Variants in CNKSR3 observed in about 807,000 individuals in gnomAD.
The protein encoded by CNKSR3 is CNKSR family member 3.
Under a neutral mutation model 67.7 loss-of-function variants are expected in CNKSR3, and 36 were observed. The ratio of observed to expected loss-of-function variants is 0.53; its 90% CI spans 0.41 to 0.70. The LOEUF (loss-of-function observed/expected upper bound fraction) is 0.70. CNKSR3 is among the 30% of genes least tolerant of loss of function. The pLI is 0.00. For missense variants in CNKSR3, 630 were observed against 695.2 expected, an observed-to-expected ratio of 0.91 and a Z score of 1.05; for synonymous variants, 281 against 271.4, an observed-to-expected ratio of 1.04 and a Z score of -0.35.
chr6:154,403,784 A>G lies in CNKSR3; in HGVS notation c.*2570T>C, dbSNP rs1360016635. On this transcript the variant is annotated 3_prime_UTR_variant, in exon 13 of 13. Transcript: ENST00000607772. ...ACCAATCTGGTTGGCCACTGCCTAT[A>G]ATGAAGACTGACTGCCGAATATTCA... 6.6e-6 allele frequency: 1 copy of G among 152,168 alleles called. No homozygotes were observed. The highest frequency in any genetic ancestry group is 1.5e-5 in the Non-Finnish European group (1 of 68,040). The allele number at this position is 152,168 out of a possible 1,614,324, so 9.4% of individuals were successfully genotyped here. A position where few individuals can be genotyped will look rare whatever the true frequency, so the allele number is the denominator to read the frequency against.
chr6:154,441,192 G>A (rs1253588700), intron 4 of CNKSR3, 100 bp downstream of exon 4: 6 of 741,864 alleles, frequency 8.1e-6, no homozygotes, highest in African/African-American at 1.8e-5. Flanking sequence ...GTGGGGAGAG[G>A]AGAGTAGTAC....
rs1241056664 is a variant in CNKSR3, at chr6:154,400,272, G to C, written c.*6082C>G. On this transcript the variant is annotated 3_prime_UTR_variant, in exon 13 of 13. Coordinates refer to ENST00000607772, the MANE Select transcript of CNKSR3 (RefSeq NM_173515.4). ...CAGTGACATGCAGGAGGAAACGCAGGATTAGGACCGACTTTCCTTAGGTGT... is the reference window on the plus strand; with the variant it reads ...CAGTGACATGCAGGAGGAAACGCAGCATTAGGACCGACTTTCCTTAGGTGT... 1 of 152,214 alleles carries C rather than the reference G, an allele frequency of 6.6e-6. No individual in the cohort carries two copies. Among genetic ancestry groups the C allele is most frequent in the African/African-American group, 2.4e-5 (1 of 41,446 alleles). 9.4% of individuals were successfully genotyped at this position (152,214 alleles called of 1,614,324 possible).
intron 1 of CNKSR3, among the ~76,000 whole-genome samples, chr6:154,465,805 TAA>T (rs1786186025): frequency 6.6e-6 from 1 of 152,204 alleles, no homozygotes; most frequent in Non-Finnish European, 1.5e-5. Context: ...ACTTTTAACT[TAA>T]AGACATTATC....
intron 11 of CNKSR3, 132 bp from the exon 12 acceptor site, chr6:154,410,564 TA>T (rs1378462178): frequency 3.2e-6 from 2 of 630,878 alleles, no homozygotes; most frequent in Admixed American, 5.8e-5. Context: ...AATTTTAAAA[TA>T]AAAGTATTTT....
In CNKSR3 at chr6:154,405,101, A is replaced by G. The variant is rs1039744491; in HGVS notation, c.*1253T>C. 3 of 152,302 alleles carry G rather than the reference A, an allele frequency of 2.0e-5. No individual in the cohort carries two copies. The highest frequency in any genetic ancestry group is 4.4e-5 in the Non-Finnish European group (3 of 68,032). The allele number at this position is 152,302 out of a possible 1,614,324, so 9.4% of individuals were successfully genotyped here. A position where few individuals can be genotyped will look rare whatever the true frequency, so the allele number is the denominator to read the frequency against. ...TTCCCCTCGTGCAATTTCACTTTGC[A>G]TATGCTTCTCCTGTTCTTCCATTTC... is the stretch of plus-strand genomic sequence containing the variant. On this transcript the variant is annotated 3_prime_UTR_variant, in exon 13 of 13. Transcript: ENST00000607772.
chr6:154,474,621 A>G (rs1170681332), intron 1 of CNKSR3, among the ~76,000 whole-genome samples: 1 of 152,134 alleles, frequency 6.6e-6, no homozygotes, highest in Non-Finnish European at 1.5e-5. Flanking sequence ...AGAGTCAGAG[A>G]TGCCCTTGGG....
intron 2 of CNKSR3, among the ~76,000 whole-genome samples, chr6:154,445,357 T>C: frequency 6.6e-6 from 1 of 152,162 alleles, no homozygotes; most frequent in Non-Finnish European, 1.5e-5. Context: ...GAGACAAAAA[T>C]AAGATGGATT....
At chr6:154,419,767 C>T (rs750703877) in intron 9 of CNKSR3, among the ~76,000 whole-genome samples, 101 of 152,146 alleles carry the variant, frequency 6.6e-4, no homozygotes, top group Non-Finnish European at 9.9e-4. Context: ...CAAGGGAATG[C>T]TATTCACCCT....
chr6:154,463,735 G>A (rs1786133594), intron 1 of CNKSR3, among the ~76,000 whole-genome samples: 1 of 152,116 alleles, frequency 6.6e-6, no homozygotes, highest in Admixed American at 6.5e-5. Flanking sequence ...TTGCTGTGCT[G>A]AGGGAAGAGT....
intron 9 of CNKSR3, among the ~76,000 whole-genome samples, chr6:154,422,209 G>A (rs1002019895): frequency 6.6e-6 from 1 of 151,880 alleles, no homozygotes; most frequent in East Asian, 1.9e-4. Context: ...AGCCAGGATG[G>A]TCTCGATCTC....
intron 1 of CNKSR3, among the ~76,000 whole-genome samples, chr6:154,489,391 T>C (rs1355175493): frequency 6.6e-6 from 1 of 152,028 alleles, no homozygotes; most frequent in Non-Finnish European, 1.5e-5. Context: ...ATTAGCCTGG[T>C]GTGGTGGCGC....
intron 1 of CNKSR3, among the ~76,000 whole-genome samples, chr6:154,479,897 C>T (rs1178283327): frequency 6.6e-6 from 1 of 152,190 alleles, no homozygotes; most frequent in Non-Finnish European, 1.5e-5. Context: ...TTTCTCCCAG[C>T]CCCCAGACTC....
chr6:154,413,719 T>C (rs1409258598), intron 10 of CNKSR3, among the ~76,000 whole-genome samples: 2 of 152,076 alleles, frequency 1.3e-5, no homozygotes. Flanking sequence ...ACGTTTTCAT[T>C]CGTTTTTCAA....
Position 154,510,101 on chromosome 6 carries a change from G to A in CNKSR3, c.14C>T (p.Thr5Ile). Residue 5 changes from threonine (T) to isoleucine (I), a missense_variant, in exon 1 of 13, where the codon ACC becomes ATC. By Grantham distance (89) the Thr-to-Ile change is moderately conservative. Transcript: ENST00000607772. MEPV[T>I]KWSPKQVVDW... The stretch of plus-strand genomic sequence containing the variant: ...CACCACTTGTTTGGGGCTCCACTTG[G>A]TCACGGGTTCCATGGTAAACCGCTT... 1.2e-6 allele frequency: 2 copies of A among 1,614,122 alleles called. No homozygotes were observed. Among genetic ancestry groups the A allele is most frequent in the African/African-American group, 1.3e-5 (1 of 75,052 alleles).
chr6:154,422,134 A>T (rs945273701), intron 9 of CNKSR3, among the ~76,000 whole-genome samples: 9 of 151,860 alleles, frequency 5.9e-5, no homozygotes, highest in Admixed American at 5.9e-4. Flanking sequence ...CTGGGACTAT[A>T]GGCGCGCACC....
At chr6:154,479,550 A>G (rs1447704261) in intron 1 of CNKSR3, among the ~76,000 whole-genome samples, 1 of 152,018 alleles carries the variant, frequency 6.6e-6, no homozygotes, top group Non-Finnish European at 1.5e-5. Context: ...TCCATATTTC[A>G]CATAAACACA....
intron 9 of CNKSR3, among the ~76,000 whole-genome samples, chr6:154,417,238 T>G (rs954475694): frequency 3.5e-4 from 54 of 152,158 alleles, no homozygotes; most frequent in African/African-American, 1.2e-3. Flanking sequence ...CCCAAAACAT[T>G]TTCGAATAGT....
intron 9 of CNKSR3, among the ~76,000 whole-genome samples, chr6:154,420,517 G>A (rs1214849116): frequency 1.3e-5 from 2 of 151,170 alleles, no homozygotes; most frequent in African/African-American, 2.4e-5. Flanking sequence ...GTGAAACCCC[G>A]TCTCTACTAA....
chr6:154,438,135 G>C (rs1237533168), intron 4 of CNKSR3, among the ~76,000 whole-genome samples: 1 of 151,970 alleles, frequency 6.6e-6, no homozygotes, highest in African/African-American at 2.4e-5. Context: ...ACAATCTTTT[G>C]GAGTAGGTAT....
Sources: gnomAD v4.1 joint callset for allele counts (sites outside exome capture counted in the v4.1 genomes callset) on GRCh38, gnomAD v4.1.1 for gene constraint, MANE v1.5 for transcripts, NCBI Gene and HGNC (gene_info 2026-07-23, HGNC 2026-07-21) for gene names.